The following RSPO3 variants were observed in gnomAD, a reference collection of about 807,000 sequenced individuals.
RSPO3 encodes R-spondin 3.
RSPO3 carries 17 observed loss-of-function variants against 36.5 expected under a neutral mutation model. That is an observed-to-expected ratio of 0.47 (90% CI 0.32 to 0.70). The LOEUF (loss-of-function observed/expected upper bound fraction) is 0.70. RSPO3 is among the 30% of genes least tolerant of loss of function. The pLI, the probability that RSPO3 is intolerant of heterozygous loss-of-function variation, is 0.04. For missense variants in RSPO3, 294 were observed against 322.5 expected (o/e 0.91, Z 0.68); for synonymous variants, 108 against 107.0 (o/e 1.01, Z -0.06).
intron 1 of RSPO3, among the ~76,000 whole-genome samples, chr6:127,143,925 T>C (rs1318875538): frequency 1.3e-5 from 2 of 152,240 alleles, no homozygotes; most frequent in African/African-American, 4.8e-5. Context: ...TTCTGTATTC[T>C]GGATATTTTA....
At chr6:127,165,152 A>G (rs1201469461) in intron 4 of RSPO3, among the ~76,000 whole-genome samples, 1 of 152,046 alleles carries the variant, frequency 6.6e-6, no homozygotes, top group Non-Finnish European at 1.5e-5. Flanking sequence ...GCTAATTCCA[A>G]AAATAAAAGA....
Position 127,197,527 on chromosome 6 carries a change from G to C in RSPO3, c.*1520G>C, listed in dbSNP as rs541985535. The C allele has an allele frequency of 6.5e-7, 1 of 1,549,988 alleles. No homozygotes were observed. The highest frequency in any genetic ancestry group is 8.7e-7 in the Non-Finnish European group (1 of 1,146,812). ...ATCTCTGAGTGTGCAGCACAGAATCGCATGACCCACCTTAACCTTCCTGTT... is the reference window on the plus strand; with the variant it reads ...ATCTCTGAGTGTGCAGCACAGAATCCCATGACCCACCTTAACCTTCCTGTT... On this transcript the variant is annotated 3_prime_UTR_variant, in exon 5 of 5. Transcript: ENST00000356698.
intron 4 of RSPO3, among the ~76,000 whole-genome samples, chr6:127,182,319 C>T (rs147534489): frequency 9.2e-5 from 14 of 151,980 alleles, no homozygotes; most frequent in South Asian, 8.3e-4. Context: ...ATAGCATTAC[C>T]TTAACTAGGT....
rs1473099210 is a variant in RSPO3, at chr6:127,118,788, C to T, written c.-405C>T. ...CCCTGCGCTCCAGGGGCCCCCGCCG[C>T]TGCAGCCGCAGCCGCCGCAGCTTCT... is the stretch of plus-strand genomic sequence containing the variant. On this transcript the variant is annotated 5_prime_UTR_variant, in exon 1 of 5. Transcript: ENST00000356698. 6.4e-6 allele frequency: 1 copy of T among 155,406 alleles called. No individual in the cohort carries two copies. Among genetic ancestry groups the T allele is most frequent in the Non-Finnish European group, 1.4e-5 (1 of 70,452 alleles). 9.6% of individuals were successfully genotyped at this position (155,406 alleles called of 1,614,324 possible).
chr6:127,166,171 TTTAC>T (rs1329782333), intron 4 of RSPO3, among the ~76,000 whole-genome samples: 1 of 152,012 alleles, frequency 6.6e-6, no homozygotes, highest in Admixed American at 6.6e-5. Context: ...TGTGTGCATG[TTTAC>T]TTGTGTCATT....
At chr6:127,188,560 G>A (rs952010180) in intron 4 of RSPO3, among the ~76,000 whole-genome samples, 1 of 150,988 alleles carries the variant, frequency 6.6e-6, no homozygotes, top group Non-Finnish European at 1.5e-5. Flanking sequence ...TTCTAAATTA[G>A]ATATAAATGA....
intron 4 of RSPO3, among the ~76,000 whole-genome samples, chr6:127,188,764 G>C (rs528242932): frequency 1.3e-5 from 2 of 152,256 alleles, no homozygotes; most frequent in South Asian, 4.1e-4. Flanking sequence ...CTGATAAGCA[G>C]CTTTTCCTTG....
chr6:127,153,071 C>T (rs1774522325), intron 3 of RSPO3, among the ~76,000 whole-genome samples: 1 of 152,084 alleles, frequency 6.6e-6, no homozygotes, highest in Non-Finnish European at 1.5e-5. Context: ...CAGCATCTTG[C>T]ACTGATGATC....
intron 4 of RSPO3, among the ~76,000 whole-genome samples, chr6:127,159,286 G>C (rs369995728): frequency 2.0e-5 from 3 of 152,050 alleles, no homozygotes; most frequent in South Asian, 4.1e-4. Context: ...AAGAATAAAA[G>C]AAATTTTGTT....
rs1303539457 is a variant in RSPO3, at chr6:127,198,596, A to G, written c.*2589A>G. On this transcript the variant is annotated 3_prime_UTR_variant, in exon 5 of 5. Coordinates refer to ENST00000356698, the MANE Select transcript of RSPO3 (RefSeq NM_032784.5). ...AAGAATCGAGAGAGTGCAGCAACATAAATCTGTTAATGTCTGATCAAGCTC... is the reference window on the plus strand; with the variant it reads ...AAGAATCGAGAGAGTGCAGCAACATGAATCTGTTAATGTCTGATCAAGCTC... 6.6e-6 allele frequency among the ~76,000 whole-genome samples: 1 copy of G among 152,206 alleles called. No individual in the cohort carries two copies. The highest frequency in any genetic ancestry group is 1.5e-5 in the Non-Finnish European group (1 of 68,032).
In RSPO3 at chr6:127,180,487, C is replaced by CAAAAAAAAAAAA. The variant is rs71543112; in HGVS notation, c.635-15319_635-15308dup. ...AAAGTGGAAAATATCTGGAAGAAAACAAAAAAAAAAAAAAAAAAAAAAAAA... is the reference window on the plus strand; with the variant it reads ...AAAGTGGAAAATATCTGGAAGAAAACAAAAAAAAAAAAAAAAAAAAAAAAAAAAAAAAAAAAA... On this transcript the variant is annotated intron_variant, in intron 4 of 4. Transcript: ENST00000356698. Among the ~76,000 whole-genome samples the CAAAAAAAAAAAA allele has an allele frequency of 8.4e-4, 36 of 42,640 alleles. 1 individual carries two copies. Among genetic ancestry groups the CAAAAAAAAAAAA allele is most frequent in the Non-Finnish European group, 1.1e-3 (26 of 23,594 alleles). The allele number at this position is 42,640 out of a possible 152,430, so 28.0% of individuals were successfully genotyped here.
At chr6:127,179,466 G>A (rs186240765) in intron 4 of RSPO3, among the ~76,000 whole-genome samples, 1 of 151,942 alleles carries the variant, frequency 6.6e-6, no homozygotes, top group Admixed American at 6.6e-5. Flanking sequence ...ATTAGATGCT[G>A]CTCATAACCA....
intron 1 of RSPO3, among the ~76,000 whole-genome samples, chr6:127,121,557 G>T (rs560535063): frequency 6.6e-5 from 10 of 152,284 alleles, no homozygotes; most frequent in African/African-American, 2.2e-4. Flanking sequence ...GTTTGCTGGT[G>T]CAATCCTGGT....
chr6:127,167,024 G>A (rs527430698), intron 4 of RSPO3, among the ~76,000 whole-genome samples: 1 of 152,064 alleles, frequency 6.6e-6, no homozygotes, highest in Non-Finnish European at 1.5e-5. Flanking sequence ...CTTTTGTCAT[G>A]TGCATAGCAA....
At chr6:127,130,570 C>G (rs1278453568) in intron 1 of RSPO3, among the ~76,000 whole-genome samples, 1 of 152,114 alleles carries the variant, frequency 6.6e-6, no homozygotes, top group Non-Finnish European at 1.5e-5. Context: ...ACCTGATTGT[C>G]ACTATGGCCA....
At chr6:127,173,494 C>T (rs1774984739) in intron 4 of RSPO3, among the ~76,000 whole-genome samples, 1 of 151,832 alleles carries the variant, frequency 6.6e-6, no homozygotes. Context: ...AAAATTAATA[C>T]TTAATCCAAT....
chr6:127,134,118 G>T (rs1207862288), intron 1 of RSPO3, among the ~76,000 whole-genome samples: 1 of 152,046 alleles, frequency 6.6e-6, no homozygotes, highest in East Asian at 1.9e-4. Flanking sequence ...CCACATATGG[G>T]GATGAAGCAG....
rs150337248 is a variant in RSPO3, at chr6:127,181,185, G to C, written c.635-14638G>C. Among the ~76,000 whole-genome samples, 27 of 151,916 alleles carry C rather than the reference G, an allele frequency of 1.8e-4. No homozygotes were observed. The East Asian group carries it at 4.9e-3, about 27-fold the overall frequency. On this transcript the variant is annotated intron_variant, in intron 4 of 4. Coordinates refer to ENST00000356698, the MANE Select transcript of RSPO3 (RefSeq NM_032784.5). Reference sequence around the variant, plus strand: ...AAGGTCATAGCAGCTATACATTACTGCATCCCTCCTCACCTGCTGGAGAAG... The same window carrying C: ...AAGGTCATAGCAGCTATACATTACTCCATCCCTCCTCACCTGCTGGAGAAG...
intron 2 of RSPO3, 83 bp from the exon 3 acceptor site, chr6:127,150,343 T>G: frequency 7.6e-7 from 1 of 1,324,114 alleles, no homozygotes; most frequent in African/African-American, 1.5e-5. Context: ...AAGTTGTGTG[T>G]GGCTGTGTCT....
Sources: gnomAD v4.1 joint callset for allele counts (sites outside exome capture counted in the v4.1 genomes callset) on GRCh38, gnomAD v4.1.1 for gene constraint, MANE v1.5 for transcripts, NCBI Gene and HGNC (gene_info 2026-07-23, HGNC 2026-07-21) for gene names.